MTHFD1L: variants seen among roughly 807,000 people sequenced by gnomAD.
MTHFD1L encodes the protein monofunctional C1-tetrahydrofolate synthase, mitochondrial.
A neutral mutation model predicts 119.5 loss-of-function variants in MTHFD1L; 81 were observed. That is an observed-to-expected ratio of 0.68 (90% CI 0.57 to 0.82). MTHFD1L has a LOEUF of 0.82. MTHFD1L is among the 40% of genes least tolerant of loss of function. MTHFD1L has a pLI of 0.00. For synonymous variants in MTHFD1L, 430 were observed against 475.2 expected (o/e 0.90, Z 1.24); for missense variants, 1,125 against 1,253.4 (o/e 0.90, Z 1.55).
intron 18 of MTHFD1L, among the ~76,000 whole-genome samples, chr6:150,961,678 T>C (rs1348673583): frequency 6.6e-6 from 1 of 152,216 alleles, no homozygotes. Context: ...GTTTTTCAGC[T>C]GCTTTTGAAG....
At chr6:151,020,411 CT>C (rs1489363771) in intron 24 of MTHFD1L, among the ~76,000 whole-genome samples, 2 of 152,164 alleles carry the variant, frequency 1.3e-5, no homozygotes, top group Admixed American at 6.5e-5. Flanking sequence ...GAGAAACAGG[CT>C]GCACTTCTGA....
At chr6:150,910,901 A>G (rs1328418118) in intron 8 of MTHFD1L, among the ~76,000 whole-genome samples, 1 of 152,222 alleles carries the variant, frequency 6.6e-6, no homozygotes, top group Non-Finnish European at 1.5e-5. Flanking sequence ...CTGAACATGT[A>G]AGAAAAGTCA....
At chr6:150,921,734 A>C (rs1788974677) in intron 9 of MTHFD1L, among the ~76,000 whole-genome samples, 1 of 152,190 alleles carries the variant, frequency 6.6e-6, no homozygotes, top group African/African-American at 2.4e-5. Context: ...GTATTTTCTC[A>C]CATTTTCCTG....
chr6:150,941,459 G>A (rs1489652142), intron 13 of MTHFD1L, among the ~76,000 whole-genome samples: 2 of 152,186 alleles, frequency 1.3e-5, no homozygotes, highest in East Asian at 3.9e-4. Flanking sequence ...CCTGTCTTCT[G>A]TGTGATGAAA....
rs1316453807 is a variant in MTHFD1L, at chr6:150,945,408, T to C, written c.1549-59T>C. The C allele has an allele frequency of 6.5e-5, 89 of 1,371,592 alleles. 1 individual carries two copies. Among genetic ancestry groups the C allele is most frequent in the Non-Finnish European group, 6.5e-5 (63 of 976,736 alleles). 85.0% of individuals were successfully genotyped at this position (1,371,592 alleles called of 1,614,324 possible). On this transcript the variant is annotated intron_variant, in intron 14 of 27. Coordinates refer to ENST00000367321, the MANE Select transcript of MTHFD1L (RefSeq NM_015440.5). ...TGAATTTTTGTCATATCCTGTGAATTGTCCAAGTTCATGGACAACTAACTT... is the reference window on the plus strand; with the variant it reads ...TGAATTTTTGTCATATCCTGTGAATCGTCCAAGTTCATGGACAACTAACTT...
At chr6:150,878,073 G>C (rs973025307) in intron 4 of MTHFD1L, among the ~76,000 whole-genome samples, 1 of 152,180 alleles carries the variant, frequency 6.6e-6, no homozygotes, top group Non-Finnish European at 1.5e-5. Flanking sequence ...CTTCAGCTGC[G>C]GTGGCAGCGT....
rs1352776690 is a variant in MTHFD1L at position 150,945,441 on chromosome 6, G to T, written c.1549-26G>T. 4 of 1,589,718 alleles carry T rather than the reference G, an allele frequency of 2.5e-6. No homozygotes were observed. The Admixed American group carries it at 5.2e-5, about 21-fold the overall frequency. On this transcript the variant is annotated intron_variant, in intron 14 of 27. Coordinates refer to ENST00000367321, the MANE Select transcript of MTHFD1L (RefSeq NM_015440.5). Reference sequence around the variant, plus strand: ...TTCATGGACAACTAACTTTTGTGTGGTCTCATTTTTGTTTTGTGTTTTTAG... The same window carrying T: ...TTCATGGACAACTAACTTTTGTGTGTTCTCATTTTTGTTTTGTGTTTTTAG...
At chr6:151,019,842 G>A (rs1783700911) in intron 24 of MTHFD1L, among the ~76,000 whole-genome samples, 1 of 152,200 alleles carries the variant, frequency 6.6e-6, no homozygotes. Flanking sequence ...GGTGCAGTCA[G>A]TAATAGAGCT....
chr6:151,032,197 T>TC (rs1785429460), intron 24 of MTHFD1L, among the ~76,000 whole-genome samples: 1 of 152,258 alleles, frequency 6.6e-6, no homozygotes, highest in Admixed American at 6.5e-5. Flanking sequence ...AAGGCATCCC[T>TC]GAGACTGGTT....
intron 20 of MTHFD1L, among the ~76,000 whole-genome samples, chr6:150,997,585 T>A (rs1779973760): frequency 6.6e-6 from 1 of 152,042 alleles, no homozygotes; most frequent in East Asian, 1.9e-4. Flanking sequence ...GCCCAGGAGT[T>A]CGAGACCAGC....
intron 24 of MTHFD1L, among the ~76,000 whole-genome samples, chr6:151,029,878 C>T (rs1157193543): frequency 6.6e-6 from 1 of 152,094 alleles, no homozygotes; most frequent in Non-Finnish European, 1.5e-5. Context: ...TACTTTGCTC[C>T]CATGTGAGTT....
At chr6:151,018,132 G>A (rs919828090) in intron 24 of MTHFD1L, among the ~76,000 whole-genome samples, 1 of 152,086 alleles carries the variant, frequency 6.6e-6, no homozygotes, top group African/African-American at 2.4e-5. Context: ...TCTGGCTGAT[G>A]GATTTGTCTT....
In MTHFD1L at chr6:150,949,131, G is replaced by C; in HGVS notation, c.1724G>C (p.Arg575Thr). The part of the protein sequence containing the change: ...DIDPSTITWQ[R>T]VLDTNDRFLR... ...GACCCATCTACCATCACGTGGCAGA[G>C]AGGTGGGTGCTGGGGAGATGCCAGC... Residue 575 changes from arginine to threonine, a missense_variant and splice_region_variant, in exon 16 of 28, where the codon AGA (arginine) becomes ACA (threonine). By Grantham distance (71) the Arg-to-Thr change is moderately conservative. Coordinates refer to ENST00000367321, the MANE Select transcript of MTHFD1L (RefSeq NM_015440.5). The C allele has an allele frequency of 6.2e-7, 1 of 1,613,760 alleles. No individual in the cohort carries two copies. The highest frequency in any genetic ancestry group is 8.5e-7 in the Non-Finnish European group (1 of 1,179,766).
intron 24 of MTHFD1L, among the ~76,000 whole-genome samples, chr6:151,026,171 T>C (rs1784582125): frequency 6.6e-6 from 1 of 152,246 alleles, no homozygotes; most frequent in Non-Finnish European, 1.5e-5. Flanking sequence ...AAAGCTATAC[T>C]GTTTAACTTT....
chr6:151,015,610 G>A lies in MTHFD1L; in HGVS notation c.2503G>A (p.Gly835Arg), dbSNP rs759144791. The A allele has an allele frequency of 6.2e-7, 1 of 1,614,124 alleles. No homozygotes were observed. Among genetic ancestry groups the A allele is most frequent in the Non-Finnish European group, 8.5e-7 (1 of 1,180,032 alleles). ...CCCCTGCTATCACTGGTCCGTTGGT[G>A]GAAAAGGATCGGTGGACTTGGCTCG... ...AVPCYHWSVG[G>R]KGSVDLARAV... Residue 835 changes from glycine (G) to arginine (R), a missense_variant, in exon 24 of 28, where the codon GGA becomes AGA. Physicochemically the swap from Gly to Arg is moderately radical, Grantham distance 125. Coordinates refer to ENST00000367321, the MANE Select transcript of MTHFD1L (RefSeq NM_015440.5).
chr6:150,934,179 C>T (rs1263008140), intron 11 of MTHFD1L, among the ~76,000 whole-genome samples: 1 of 152,204 alleles, frequency 6.6e-6, no homozygotes, highest in Non-Finnish European at 1.5e-5. Flanking sequence ...CGGCAAGTTG[C>T]TTACACTCTG....
chr6:150,877,971 TAG>T, intron 4 of MTHFD1L, 145 bp downstream of exon 4: 1 of 917,304 alleles, frequency 1.1e-6, no homozygotes, highest in South Asian at 1.5e-5. Context: ...TTCTTTTCTC[TAG>T]GGTAAATGCT....
intron 7 of MTHFD1L, among the ~76,000 whole-genome samples, chr6:150,904,516 C>A (rs1785565491): frequency 6.6e-6 from 1 of 152,148 alleles, no homozygotes; most frequent in African/African-American, 2.4e-5. Context: ...CAATCTCACT[C>A]CTTTGGAATA....
At chr6:151,009,004 C>G (rs1781812662) in intron 20 of MTHFD1L, among the ~76,000 whole-genome samples, 1 of 151,400 alleles carries the variant, frequency 6.6e-6, no homozygotes, top group African/African-American at 2.4e-5. Context: ...TTCCTGTAAT[C>G]CCAGCTACTT....
Sources: allele counts gnomAD v4.1 joint callset (sites outside exome capture counted in the v4.1 genomes callset), GRCh38; gene constraint gnomAD v4.1.1; transcripts MANE v1.5; gene names NCBI Gene and HGNC (gene_info 2026-07-23, HGNC 2026-07-21).